Variants in FNDC1 observed in about 807,000 individuals in gnomAD.
The protein encoded by FNDC1 is fibronectin type III domain containing 1.
In FNDC1, 96 loss-of-function variants were observed where a neutral mutation model predicts 168.0. The observed-to-expected ratio is 0.57, with a 90% confidence interval of 0.48 to 0.68. The LOEUF (loss-of-function observed/expected upper bound fraction) is 0.68. Among genes scored for constraint, FNDC1 ranks in the 30% least tolerant of loss-of-function variants. The pLI is 0.00. For missense variants in FNDC1, 2,587 were observed against 2,482.1 expected (o/e 1.04, Z -0.90); for synonymous variants, 1,099 against 1,025.9 (o/e 1.07, Z -1.36).
chr6:159,234,909 C>T (rs1783212373), intron 11 of FNDC1, among the ~76,000 whole-genome samples: 1 of 152,190 alleles, frequency 6.6e-6, no homozygotes, highest in Non-Finnish European at 1.5e-5. Flanking sequence ...GTTCAAGTGC[C>T]GCCATGTGTT....
At chr6:159,184,651 G>C (rs1233725673) in intron 1 of FNDC1, among the ~76,000 whole-genome samples, 1 of 152,066 alleles carries the variant, frequency 6.6e-6, no homozygotes, top group Non-Finnish European at 1.5e-5. Flanking sequence ...AATATGAGTG[G>C]TGATTTTGGG....
intron 1 of FNDC1, among the ~76,000 whole-genome samples, chr6:159,179,091 T>C (rs1005226203): frequency 6.6e-6 from 1 of 152,240 alleles, no homozygotes; most frequent in Non-Finnish European, 1.5e-5. Flanking sequence ...GGTTCTGCAA[T>C]GTACGAGGCC....
At chr6:159,212,192 G>A (rs1022209411) in intron 4 of FNDC1, among the ~76,000 whole-genome samples, 5 of 152,206 alleles carry the variant, frequency 3.3e-5, no homozygotes, top group Non-Finnish European at 7.3e-5. Flanking sequence ...ACCTGATTAC[G>A]TTGTACCAAC....
intron 17 of FNDC1, among the ~76,000 whole-genome samples, chr6:159,251,982 G>A (rs1245104523): frequency 6.6e-6 from 1 of 152,148 alleles, no homozygotes; most frequent in Non-Finnish European, 1.5e-5. Flanking sequence ...AGTCAGCCCT[G>A]GGCTTGTGCC....
chr6:159,256,394 C>T (rs1777373869), intron 17 of FNDC1, 129 bp from the exon 18 acceptor site: 3 of 696,524 alleles, frequency 4.3e-6, no homozygotes, highest in Middle Eastern at 2.8e-4. Context: ...TGCCGCGTGC[C>T]CTCCTTCCTG....
chr6:159,262,379 A>T (rs1777503906), intron 19 of FNDC1, among the ~76,000 whole-genome samples: 1 of 152,252 alleles, frequency 6.6e-6, no homozygotes, highest in Non-Finnish European at 1.5e-5. Context: ...ATCTTTTGTA[A>T]GAATATGCTT....
In FNDC1 at chr6:159,191,254, G is replaced by A. The variant is rs563707027; in HGVS notation, c.110-6177G>A. The stretch of plus-strand genomic sequence containing the variant: ...CATGAGATTTGGGTGGGGACACAGA[G>A]CCAAACCATATCACTATAAGAGATG... On this transcript the variant is annotated intron_variant, in intron 1 of 22. Transcript: ENST00000297267. 2.0e-5 allele frequency among the ~76,000 whole-genome samples: 3 copies of A among 152,292 alleles called. No individual in the cohort carries two copies. In the South Asian group the frequency reaches 6.2e-4, roughly 32 times the overall value.
rs751567629 is a variant in FNDC1, at chr6:159,251,420, T to G, written c.4953T>G (p.Ser1651Arg). The G allele has an allele frequency of 1.2e-6, 2 of 1,613,616 alleles. No individual in the cohort carries two copies. The highest frequency in any genetic ancestry group is 1.3e-5 in the African/African-American group (1 of 74,918). Residue 1651 changes from serine (S) to arginine (R), a missense_variant, in exon 17 of 23, where the codon AGT becomes AGG. By Grantham distance (110) the Ser-to-Arg change is moderately radical. Coordinates refer to ENST00000297267, the MANE Select transcript of FNDC1 (RefSeq NM_032532.3). ...TCATCCCCAATGACCTGAAGAAGAG[T>G]GACCTGCCTCCCCAGCATGCTCCCC... Reference protein sequence around the residue: ...DEIIPNDLKKSDLPPQHAPRN... With the variant: ...DEIIPNDLKKRDLPPQHAPRN...
At chr6:159,183,733 G>A (rs747619086) in intron 1 of FNDC1, among the ~76,000 whole-genome samples, 14 of 152,206 alleles carry the variant, frequency 9.2e-5, no homozygotes, top group Non-Finnish European at 1.9e-4. Flanking sequence ...CCAGAAGCTA[G>A]TCTAGTGGTC....
At chr6:159,238,476 G>C in intron 12 of FNDC1, 78 bp from the exon 13 acceptor site, 1 of 896,258 alleles carries the variant, frequency 1.1e-6, no homozygotes, top group Non-Finnish European at 1.8e-6. Flanking sequence ...AGCTTCAGGG[G>C]TATATACATA....
intron 1 of FNDC1, among the ~76,000 whole-genome samples, chr6:159,184,772 G>T (rs1781957693): frequency 6.6e-6 from 1 of 152,156 alleles, no homozygotes; most frequent in South Asian, 2.1e-4. Context: ...GCAGTTTATA[G>T]TAGGCTGAGA....
chr6:159,179,444 G>A (rs1001373295), intron 1 of FNDC1, among the ~76,000 whole-genome samples: 2 of 152,188 alleles, frequency 1.3e-5, no homozygotes, highest in East Asian at 3.9e-4. Flanking sequence ...GGGTGACAGA[G>A]CAAGACTCTG....
chr6:159,197,688 A>C, intron 2 of FNDC1, 63 bp downstream of exon 2: 1 of 1,439,148 alleles, frequency 6.9e-7, no homozygotes, highest in Non-Finnish European at 9.5e-7. Context: ...TCTCAGTTGC[A>C]TTCTTAGGAT....
intron 1 of FNDC1, among the ~76,000 whole-genome samples, chr6:159,195,809 C>T (rs1170236609): frequency 6.6e-6 from 1 of 152,194 alleles, no homozygotes; most frequent in Non-Finnish European, 1.5e-5. Context: ...TTACAGTTCT[C>T]ACATTTTAGA....
At chr6:159,226,984 TG>T (rs1782967918) in intron 9 of FNDC1, among the ~76,000 whole-genome samples, 1 of 152,228 alleles carries the variant, frequency 6.6e-6, no homozygotes, top group African/African-American at 2.4e-5. Context: ...ATACATTTAA[TG>T]GGTTTGAAAA....
At chr6:159,253,658 T>G (rs767162276) in intron 17 of FNDC1, among the ~76,000 whole-genome samples, 1 of 152,238 alleles carries the variant, frequency 6.6e-6, no homozygotes, top group Non-Finnish European at 1.5e-5. Flanking sequence ...ATCACCAACG[T>G]GATGACCTCT....
intron 18 of FNDC1, 41 bp downstream of exon 18, chr6:159,256,672 G>T (rs182722538): frequency 1.4e-6 from 2 of 1,428,918 alleles, no homozygotes; most frequent in East Asian, 2.3e-5. Flanking sequence ...AGATCCATGT[G>T]CATGGTTGCT....
intron 19 of FNDC1, 89 bp from the exon 20 acceptor site, chr6:159,264,886 G>T: frequency 9.6e-7 from 1 of 1,044,994 alleles, no homozygotes; most frequent in Non-Finnish European, 1.4e-6. Context: ...TTCTAATTTG[G>T]TTAGCTATTT....
chr6:159,256,629 G>T lies in FNDC1; in HGVS notation c.5172G>T (p.Thr1724=). The T allele has an allele frequency of 6.2e-7, 1 of 1,600,188 alleles. No homozygotes were observed. Among genetic ancestry groups the T allele is most frequent in the South Asian group, 1.1e-5 (1 of 90,622 alleles). Residue 1724 remains threonine, a splice_region_variant and synonymous_variant, in exon 18 of 23, where the codon ACG becomes ACT. Transcript: ENST00000297267. ...HLPIENLKPN[T]RYYFKVQAQN... ...CCATTGAGAACCTAAAGCCCAACACGAGGTACGATGTGTCAGTCATTTAGA... is the reference window on the plus strand; with the variant it reads ...CCATTGAGAACCTAAAGCCCAACACTAGGTACGATGTGTCAGTCATTTAGA...
Sources: gnomAD v4.1 joint callset for allele counts (sites outside exome capture counted in the v4.1 genomes callset) on GRCh38, gnomAD v4.1.1 for gene constraint, MANE v1.5 for transcripts, NCBI Gene and HGNC (gene_info 2026-07-23, HGNC 2026-07-21) for gene names.